The following PHACTR2 variants were observed in gnomAD, a reference collection of about 807,000 sequenced individuals.
PHACTR2 encodes chromosome 6 open reading frame 56.
In PHACTR2, 30 loss-of-function variants were observed where a neutral mutation model predicts 76.0. That is an observed-to-expected ratio of 0.39 (90% CI 0.30 to 0.54). The LOEUF (loss-of-function observed/expected upper bound fraction) is 0.54, where lower values mean the gene tolerates loss of function less well. Among genes scored for constraint, PHACTR2 ranks in the 20% least tolerant of loss-of-function variants. PHACTR2 has a pLI of 0.61. For synonymous variants in PHACTR2, 292 were observed against 292.5 expected (o/e 1.00, Z 0.02); for missense variants, 696 against 781.1 (o/e 0.89, Z 1.30).
intron 2 of PHACTR2, among the ~76,000 whole-genome samples, chr6:143,737,865 C>T (rs73581806): frequency 0.02 from 2,974 of 152,284 alleles, 89 homozygotes; most frequent in African/African-American, 0.066. Context: ...AAATACTGTG[C>T]TCTCTGTTGT....
At chr6:143,704,890 G>A (rs898488206) in intron 1 of PHACTR2, among the ~76,000 whole-genome samples, 55 of 152,052 alleles carry the variant, frequency 3.6e-4, no homozygotes, top group Non-Finnish European at 2.4e-4. Context: ...GTGCAGTGGC[G>A]CGATCTCGGC....
Position 143,624,107 on chromosome 6 carries a change from TTTG to T in PHACTR2, c.13+15788_13+15790del, listed in dbSNP as rs1776211348. ...CTTGTTAATTTTTTTTGTTGTTTTT[TTTG>T]TTTGTTTGTTTGTTTTTAGACAGTA... is the stretch of plus-strand genomic sequence containing the variant. On this transcript the variant is annotated intron_variant, in intron 1 of 11. Transcript: ENST00000305766. This position sits in a 1 kb window ranked among gnomAD's most constrained non-coding sequence, Gnocchi z 4.6. 2.4e-5 allele frequency among the ~76,000 whole-genome samples: 3 copies of T among 126,926 alleles called. No homozygotes were observed. The highest frequency in any genetic ancestry group is 1.6e-4 in the Admixed American group (2 of 12,284). The allele number at this position is 126,926 out of a possible 152,430, so 83.3% of individuals were successfully genotyped here.
Position 143,760,556 on chromosome 6 carries a change from A to T in PHACTR2, c.610A>T (p.Ile204Phe). 3 of 1,613,848 alleles carry T rather than the reference A, an allele frequency of 1.9e-6. No individual in the cohort carries two copies. Among genetic ancestry groups the T allele is most frequent in the Non-Finnish European group, 2.5e-6 (3 of 1,179,818 alleles). ...ASHKGDEVPP[I>F]KKNTKAPGKQ... is the part of the protein sequence containing the mutation. ...CCACAAAGGTGATGAAGTGCCTCCC[A>T]TTAAAAAAAATACCAAGGCTCCTGG... The change falls in exon 5 of 13, where the codon ATT becomes TTT. Residue 204 changes from isoleucine (I) to phenylalanine (F), a missense_variant. Ile to Phe is a conservative substitution (Grantham distance 21). This residue lies in a region of PHACTR2 where 460 missense variants were observed against 450.9 expected (regional missense o/e 1.02). Coordinates refer to ENST00000440869, the MANE Select transcript of PHACTR2 (RefSeq NM_001100164.2). The surrounding 1 kb of genome is among the most constrained non-coding windows in gnomAD (Gnocchi z 6.4).
intron 1 of PHACTR2, among the ~76,000 whole-genome samples, chr6:143,655,342 T>A (rs2128447148): frequency 6.6e-6 from 1 of 152,254 alleles, no homozygotes; most frequent in South Asian, 2.1e-4. Context: ...GTGATGCTAA[T>A]GGGCATAGGG....
intron 9 of PHACTR2, among the ~76,000 whole-genome samples, chr6:143,778,922 A>C (rs959889235): frequency 2.0e-5 from 3 of 152,180 alleles, no homozygotes; most frequent in African/African-American, 7.2e-5. Flanking sequence ...TGTTGATCTT[A>C]AGTGCTGCAT....
intron 11 of PHACTR2, among the ~76,000 whole-genome samples, chr6:143,790,813 A>G (rs1775665909): frequency 6.6e-6 from 1 of 151,846 alleles, no homozygotes; most frequent in Admixed American, 6.6e-5. Flanking sequence ...GGCTGGGACT[A>G]CAGGCGCCCG....
intron 1 of PHACTR2, among the ~76,000 whole-genome samples, chr6:143,569,977 A>C (rs12191231): frequency 0.61 from 93,261 of 152,076 alleles, 28,939 homozygotes; most frequent in Middle Eastern, 0.72. Context: ...CAGTTCACAG[A>C]ATTCGATTCA....
chr6:143,612,010 GAGAA>G (rs1562247676), intron 1 of PHACTR2, among the ~76,000 whole-genome samples: 1 of 152,190 alleles, frequency 6.6e-6, no homozygotes, highest in Non-Finnish European at 1.5e-5. Flanking sequence ...TGAGTTTTCA[GAGAA>G]AGACAGTGAG....
Position 143,623,442 on chromosome 6 carries a change from G to T in PHACTR2, c.13+15120G>T, listed in dbSNP as rs1776196673. On this transcript the variant is annotated intron_variant, in intron 1 of 11. Transcript: ENST00000305766. The surrounding 1 kb of genome is among the most constrained non-coding windows in gnomAD (Gnocchi z 5.9). ...ATACAAAAATTAGCCGGGCATGGTGGTGCATGCCTGTAGTCCCAGCTACGT... is the reference window on the plus strand; with the variant it reads ...ATACAAAAATTAGCCGGGCATGGTGTTGCATGCCTGTAGTCCCAGCTACGT... Among the ~76,000 whole-genome samples the T allele has an allele frequency of 6.6e-6, 1 of 152,144 alleles. No homozygotes were observed. Among genetic ancestry groups the T allele is most frequent in the South Asian group, 2.1e-4 (1 of 4,830 alleles).
intron 1 of PHACTR2, among the ~76,000 whole-genome samples, chr6:143,640,492 T>C (rs1306566903): frequency 2.0e-5 from 3 of 152,008 alleles, no homozygotes; most frequent in African/African-American, 4.8e-5. Context: ...AGTGCAGAGA[T>C]GGAGGAGAAG....
intron 1 of PHACTR2, among the ~76,000 whole-genome samples, chr6:143,559,691 T>G (rs4607442): frequency 6.5e-5 from 1 of 15,366 alleles, no homozygotes; most frequent in Non-Finnish European, 1.6e-4. Flanking sequence ...TTTTCTTTTC[T>G]TTTTTTTTTT....
intron 1 of PHACTR2, among the ~76,000 whole-genome samples, chr6:143,699,176 C>T (rs531442898): frequency 6.6e-6 from 1 of 152,260 alleles, no homozygotes; most frequent in East Asian, 1.9e-4. Context: ...GACTCTCCCT[C>T]TCCACCCCAA....
rs541138516 is a variant in PHACTR2 at position 143,617,260 on chromosome 6, C to T, written c.13+8938C>T. ...CCAAGCCCTGAATTTTCTCATGACG[C>T]TGATGGAATTCAACACCCAGTTTTG... is the stretch of plus-strand genomic sequence containing the variant. On this transcript the variant is annotated intron_variant, in intron 1 of 11. Coordinates refer to the PHACTR2 transcript ENST00000305766. The surrounding 1 kb of genome is among the most constrained non-coding windows in gnomAD (Gnocchi z 4.8). Among the ~76,000 whole-genome samples, 14 of 152,312 alleles carry T rather than the reference C, an allele frequency of 9.2e-5. No individual in the cohort carries two copies. The East Asian group carries it at 2.7e-3, about 29-fold the overall frequency.
chr6:143,788,720 A>G lies in PHACTR2; in HGVS notation c.1708-53A>G, dbSNP rs536056655. On this transcript the variant is annotated intron_variant, in intron 10 of 12. Coordinates refer to ENST00000440869, the MANE Select transcript of PHACTR2 (RefSeq NM_001100164.2). ...TGTTCTCTATAGAAAACTTGCCACC[A>G]TGAGGCTGTAAGTGGTTTACTGAAC... 6.9e-4 allele frequency: 1,061 copies of G among 1,528,254 alleles called. 2 individuals are homozygous for G. The African/African-American group carries it at 7.7e-3, about 11-fold the overall frequency. 94.7% of individuals were successfully genotyped at this position (1,528,254 alleles called of 1,614,324 possible). A position where few individuals can be genotyped will look rare whatever the true frequency, so the allele number is the denominator to read the frequency against.
At chr6:143,796,391 C>A (rs1309060086) in intron 11 of PHACTR2, among the ~76,000 whole-genome samples, 1 of 140,448 alleles carries the variant, frequency 7.1e-6, no homozygotes. Flanking sequence ...TTCTTTCTTT[C>A]TTTCTTTCTT....
chr6:143,813,517 C>G (rs1015152299), intron 12 of PHACTR2, among the ~76,000 whole-genome samples: 22 of 149,784 alleles, frequency 1.5e-4, no homozygotes, highest in African/African-American at 4.7e-4. Flanking sequence ...ACTCCAGAGG[C>G]TGAGGCGGGA....
At chr6:143,575,756 A>T (rs1775498726) in intron 1 of PHACTR2, among the ~76,000 whole-genome samples, 1 of 151,966 alleles carries the variant, frequency 6.6e-6, no homozygotes, top group Admixed American at 6.5e-5. Flanking sequence ...TCTTCCAATC[A>T]TTTTAAAACC....
At position 143,683,516 on chromosome 6, in the gene PHACTR2, G is replaced by A. The variant is rs1004422836; in HGVS notation, c.46+5307G>A. On this transcript the variant is annotated intron_variant, in intron 1 of 12. Transcript: ENST00000440869. This position sits in a 1 kb window ranked among gnomAD's most constrained non-coding sequence, Gnocchi z 4.1. Reference sequence around the variant, plus strand: ...TCTCCTCAATCCTTGGGTTGAAAGGGCAGACAATGCCACTGTCCCCATTTT... The same window carrying A: ...TCTCCTCAATCCTTGGGTTGAAAGGACAGACAATGCCACTGTCCCCATTTT... 2.6e-5 allele frequency among the ~76,000 whole-genome samples: 4 copies of A among 152,078 alleles called. No homozygotes were observed. The highest frequency in any genetic ancestry group is 9.7e-5 in the African/African-American group (4 of 41,394).
chr6:143,729,827 G>C (rs1162619363), intron 2 of PHACTR2, among the ~76,000 whole-genome samples: 1 of 151,930 alleles, frequency 6.6e-6, no homozygotes, highest in Admixed American at 6.5e-5. Context: ...CTTTAACAGT[G>C]TCTTTTAAGA....
Sources: gnomAD v4.1 joint callset for allele counts (sites outside exome capture counted in the v4.1 genomes callset) on GRCh38, gnomAD v4.1.1 for gene constraint, gnomAD v4.1.1 regional missense constraint, Gnocchi (gnomAD v3.1) non-coding constraint, MANE v1.5 for transcripts, NCBI Gene and HGNC (gene_info 2026-07-23, HGNC 2026-07-21) for gene names.